AAK1: variants seen among roughly 807,000 people sequenced by gnomAD.
The protein encoded by AAK1 is AP2-associated protein kinase 1.
Under a neutral mutation model 116.0 loss-of-function variants are expected in AAK1, and 37 were observed. The observed-to-expected ratio is 0.32, with a 90% CI of 0.25 to 0.42. The LOEUF (loss-of-function observed/expected upper bound fraction) is 0.42, where lower values mean the gene tolerates loss of function less well. Among genes scored for constraint, AAK1 ranks in the 10% least tolerant of loss-of-function variants. AAK1 has a pLI of 1.00. For missense variants in AAK1, 919 were observed against 1,170.6 expected (o/e 0.79, Z 3.14); for synonymous variants, 458 against 439.9 (o/e 1.04, Z -0.51).
At chr2:69,507,382 T>C (rs549685546) in intron 15 of AAK1, 39 bp downstream of exon 15, 17 of 1,598,030 alleles carry the variant, frequency 1.1e-5, no homozygotes, top group Admixed American at 1.7e-5. Flanking sequence ...ACAGAGAATC[T>C]ATAATCAAGA....
intron 16 of AAK1, among the ~76,000 whole-genome samples, chr2:69,498,288 G>C (rs1025039577): frequency 6.6e-6 from 1 of 152,104 alleles, no homozygotes; most frequent in African/African-American, 2.4e-5. Flanking sequence ...GCATGTGTGG[G>C]CATCACTGGC....
chr2:69,553,277 C>G (rs1319375754), intron 3 of AAK1, among the ~76,000 whole-genome samples: 1 of 152,010 alleles, frequency 6.6e-6, no homozygotes, highest in East Asian at 1.9e-4. Context: ...ACGGACTAGG[C>G]ATTAGAATGA....
chr2:69,488,821 T>C (rs1406211902), intron 17 of AAK1, among the ~76,000 whole-genome samples: 1 of 151,282 alleles, frequency 6.6e-6, no homozygotes, highest in Non-Finnish European at 1.5e-5. Flanking sequence ...ACAGGAGACC[T>C]GCTCTACACT....
Position 69,468,866 on chromosome 2 carries a change from G to A in AAK1, c.*7003C>T. The A allele has an allele frequency of 1.0e-6, 1 of 985,358 alleles. No individual in the cohort carries two copies. The highest frequency in any genetic ancestry group is 1.2e-6 in the Non-Finnish European group (1 of 829,914). The allele number at this position is 985,358 out of a possible 1,614,324, so 61.0% of individuals were successfully genotyped here. A position where few individuals can be genotyped will look rare whatever the true frequency, so the allele number is the denominator to read the frequency against. ...TTATTTGTTAAAAAGTGGGTTTTTG[G>A]TCGAGAACCCATTTGGAAAACCTTC... On this transcript the variant is annotated 3_prime_UTR_variant, in exon 22 of 22. Coordinates refer to ENST00000409085, the MANE Select transcript of AAK1 (RefSeq NM_014911.5).
chr2:69,473,386 T>C lies in AAK1; in HGVS notation c.*2483A>G, dbSNP rs985571586. On this transcript the variant is annotated 3_prime_UTR_variant, in exon 22 of 22. Transcript: ENST00000409085. ...ATAAACTCTTTCAGCTCAGGGATGA[T>C]GCTCTAAACCAAGGAAGGCTCCGTT... 3.9e-5 allele frequency: 38 copies of C among 985,376 alleles called. No individual in the cohort carries two copies. Among genetic ancestry groups the C allele is most frequent in the Non-Finnish European group, 4.5e-5 (37 of 829,954 alleles). 61.0% of individuals were successfully genotyped at this position (985,376 alleles called of 1,614,324 possible).
At chr2:69,533,607 G>A (rs1194501523) in intron 5 of AAK1, among the ~76,000 whole-genome samples, 1 of 152,162 alleles carries the variant, frequency 6.6e-6, no homozygotes, top group Non-Finnish European at 1.5e-5. Flanking sequence ...GTGGTGTTGT[G>A]AGGAGCTTTT....
chr2:69,625,131 C>T (rs550495236), intron 2 of AAK1, among the ~76,000 whole-genome samples: 4 of 152,218 alleles, frequency 2.6e-5, no homozygotes, highest in Non-Finnish European at 5.9e-5. Context: ...ATAAAACCCA[C>T]GTATCTTGAT....
Position 69,462,064 on chromosome 2 carries a change from A to G in AAK1, c.*13805T>C, listed in dbSNP as rs972671216. 1 of 152,562 alleles carries G rather than the reference A, an allele frequency of 6.6e-6. No individual in the cohort carries two copies. The highest frequency in any genetic ancestry group is 1.5e-5 in the Non-Finnish European group (1 of 68,390). 9.5% of individuals were successfully genotyped at this position (152,562 alleles called of 1,614,324 possible). A position where few individuals can be genotyped will look rare whatever the true frequency, so the allele number is the denominator to read the frequency against. ...AAAACATTTTGCTGGGCTGTTACAG[A>G]GATAATCCTGAATATTTGGAAAGGG... On this transcript the variant is annotated 3_prime_UTR_variant, in exon 22 of 22. Coordinates refer to ENST00000409085, the MANE Select transcript of AAK1 (RefSeq NM_014911.5).
chr2:69,617,794 A>C (rs1011911341), intron 2 of AAK1, among the ~76,000 whole-genome samples: 2 of 152,228 alleles, frequency 1.3e-5, no homozygotes, highest in African/African-American at 4.8e-5. Context: ...AGGAGTATAG[A>C]AGAGGCCACA....
At chr2:69,553,001 A>G (rs1188425301) in intron 3 of AAK1, among the ~76,000 whole-genome samples, 2 of 152,192 alleles carry the variant, frequency 1.3e-5, no homozygotes, top group Non-Finnish European at 2.9e-5. Flanking sequence ...ACAAAGAAAT[A>G]TAAAAAGAAG....
At chr2:69,640,960 A>G (rs1367685203) in intron 2 of AAK1, among the ~76,000 whole-genome samples, 1 of 152,266 alleles carries the variant, frequency 6.6e-6, no homozygotes, top group Non-Finnish European at 1.5e-5. Flanking sequence ...AGAGCCTAGC[A>G]CAGCACCTGG....
intron 4 of AAK1, among the ~76,000 whole-genome samples, chr2:69,543,625 C>G (rs977670601): frequency 3.9e-5 from 6 of 152,156 alleles, no homozygotes; most frequent in African/African-American, 1.4e-4. Flanking sequence ...CCAAGATAGT[C>G]TCGATCTCTT....
At chr2:69,503,977 C>G (rs1364017741) in intron 16 of AAK1, among the ~76,000 whole-genome samples, 1 of 138,950 alleles carries the variant, frequency 7.2e-6, no homozygotes. Flanking sequence ...CCAGCCCCGG[C>G]AACAAGAGCG....
At chr2:69,501,830 G>T (rs1375536983) in intron 16 of AAK1, among the ~76,000 whole-genome samples, 2 of 152,082 alleles carry the variant, frequency 1.3e-5, no homozygotes, top group African/African-American at 4.8e-5. Context: ...CATTAGCTGG[G>T]CACGGTGGCG....
In AAK1 at chr2:69,482,785, G is replaced by A. The variant is rs1675144213; in HGVS notation, c.2393C>T (p.Pro798Leu). Residue 798 changes from proline to leucine, a missense_variant, in exon 18 of 22, where the codon CCT becomes CTT. Pro to Leu is a moderately conservative substitution (Grantham distance 98). Transcript: ENST00000409085. Reference sequence around the variant, plus strand: ...GTCAGGGAGCAGAAGAGAAGTGTCAGGAGATTTGAGTCCCTCAATTAGTTT... The same window carrying A: ...GTCAGGGAGCAGAAGAGAAGTGTCAAGAGATTTGAGTCCCTCAATTAGTTT... ...PEKLIEGLKS[P>L]DTSLLLPDLL... The A allele has an allele frequency of 6.2e-7, 1 of 1,613,518 alleles. No homozygotes were observed. Among genetic ancestry groups the A allele is most frequent in the Admixed American group, 1.7e-5 (1 of 59,994 alleles).
rs1210154739 is a variant in AAK1 at position 69,458,356 on chromosome 2, C to T, written c.*17513G>A. On this transcript the variant is annotated 3_prime_UTR_variant, in exon 22 of 22. Transcript: ENST00000409085. ...TTGTCCTTTATTATTTGGTTTCTAT[C>T]TCCTAACAAATGACATTAAATGTTC... The T allele has an allele frequency of 6.6e-6, 1 of 152,608 alleles. No individual in the cohort carries two copies. Among genetic ancestry groups the T allele is most frequent in the South Asian group, 2.1e-4 (1 of 4,832 alleles). 9.5% of individuals were successfully genotyped at this position (152,608 alleles called of 1,614,324 possible).
intron 20 of AAK1, among the ~76,000 whole-genome samples, chr2:69,477,564 T>TAGA (rs1211421149): frequency 6.6e-6 from 1 of 152,172 alleles, no homozygotes; most frequent in African/African-American, 2.4e-5. Flanking sequence ...AGGCCTCAAG[T>TAGA]AGAAGTTTGT....
chr2:69,486,993 C>A (rs1170788607), intron 17 of AAK1, among the ~76,000 whole-genome samples: 1 of 152,116 alleles, frequency 6.6e-6, no homozygotes, highest in South Asian at 2.1e-4. Flanking sequence ...ATGAAGAAAC[C>A]AGCTCCAGAA....
intron 2 of AAK1, among the ~76,000 whole-genome samples, chr2:69,608,969 G>C (rs1429541706): frequency 1.3e-5 from 2 of 152,222 alleles, no homozygotes; most frequent in Non-Finnish European, 2.9e-5. Flanking sequence ...AGAAATTGGA[G>C]AAGACACACA....
Sources: gnomAD v4.1 joint callset for allele counts (sites outside exome capture counted in the v4.1 genomes callset) on GRCh38, gnomAD v4.1.1 for gene constraint, MANE v1.5 for transcripts, NCBI Gene and HGNC (gene_info 2026-07-23, HGNC 2026-07-21) for gene names.